The following TPO variants were observed in gnomAD, a reference collection of about 807,000 sequenced individuals.
The protein encoded by TPO is thyroid peroxidase.
TPO carries 78 observed loss-of-function variants against 96.9 expected under a neutral mutation model. The ratio of observed to expected loss-of-function variants is 0.81; its 90% confidence interval spans 0.67 to 0.97. The LOEUF (loss-of-function observed/expected upper bound fraction) is 0.97, where lower values mean the gene tolerates loss of function less well. Among genes scored for constraint, TPO ranks in the 50% least tolerant of loss-of-function variants. The probability of loss-of-function intolerance (pLI) is 0.00; values close to 1 mark genes in which losing one functional copy is unlikely to be tolerated. For missense variants in TPO, 1,252 were observed against 1,274.8 expected (o/e 0.98, Z 0.27); for synonymous variants, 547 against 538.0 (o/e 1.02, Z -0.23).
chr2:1,379,328 G>T (rs1166056139), intron 1 of TPO, among the ~76,000 whole-genome samples: 1 of 152,152 alleles, frequency 6.6e-6, no homozygotes, highest in African/African-American at 2.4e-5. Context: ...AAGGCAAGGA[G>T]ATTGAACATA....
At chr2:1,396,656 G>A (rs562144100) in intron 1 of TPO, among the ~76,000 whole-genome samples, 6 of 152,110 alleles carry the variant, frequency 3.9e-5, no homozygotes, top group East Asian at 1.9e-4. Context: ...ATCGCGTCAC[G>A]GGGAGACAGT....
chr2:1,518,584 G>A (rs28913026), intron 15 of TPO, among the ~76,000 whole-genome samples: 149 of 152,174 alleles, frequency 9.8e-4, no homozygotes, highest in African/African-American at 3.2e-3. Context: ...GCCTGCATTT[G>A]ATGCATGAGC....
chr2:1,540,637 G>C lies in TPO; in HGVS notation c.2662G>C (p.Gly888Arg). 2 of 1,613,610 alleles carry C rather than the reference G, an allele frequency of 1.2e-6. No homozygotes were observed. Among genetic ancestry groups the C allele is most frequent in the Non-Finnish European group, 1.7e-6 (2 of 1,180,032 alleles). The part of the protein sequence containing the change: ...TKSTLPISET[G>R]GGTPELRCGK... Reference sequence around the variant, plus strand: ...ATCCACACTGCCCATCTCGGAGACAGGCGGAGGAACTCCCGAGCTGAGATG... The same window carrying C: ...ATCCACACTGCCCATCTCGGAGACACGCGGAGGAACTCCCGAGCTGAGATG... Residue 888 changes from glycine (G) to arginine (R), a missense_variant, in exon 16 of 17, where the codon GGC (glycine) becomes CGC (arginine). Physicochemically the swap from Gly to Arg is moderately radical, Grantham distance 125 (BLOSUM62 -2). Coordinates refer to ENST00000329066, the MANE Select transcript of TPO (RefSeq NM_001206744.2).
chr2:1,495,023 C>T (rs1174886674), intron 11 of TPO, among the ~76,000 whole-genome samples: 16 of 152,196 alleles, frequency 1.1e-4, no homozygotes. Flanking sequence ...GGAAGCCACT[C>T]GCTCAGAAGG....
chr2:1,423,505 C>T (rs937663966), intron 3 of TPO, among the ~76,000 whole-genome samples: 1 of 152,126 alleles, frequency 6.6e-6, no homozygotes, highest in Admixed American at 6.5e-5. Context: ...GTAACATTAC[C>T]TGTGGCATAG....
At chr2:1,472,458 G>C (rs895766616) in intron 7 of TPO, among the ~76,000 whole-genome samples, 2 of 152,146 alleles carry the variant, frequency 1.3e-5, no homozygotes, top group African/African-American at 4.8e-5. Flanking sequence ...ATATTCTCTT[G>C]AATGTTGTTA....
intron 15 of TPO, among the ~76,000 whole-genome samples, chr2:1,521,031 A>G (rs28361468): frequency 0.51 from 77,395 of 152,002 alleles, 19,812 homozygotes; most frequent in South Asian, 0.56. Context: ...TTAGTTCTGC[A>G]ATTTCTGAAA....
intron 7 of TPO, among the ~76,000 whole-genome samples, chr2:1,475,831 G>T (rs1669873355): frequency 6.6e-6 from 1 of 152,232 alleles, no homozygotes; most frequent in Non-Finnish European, 1.5e-5. Context: ...CCTCGTTGCT[G>T]CCCCGACCCC....
exon 1 of TPO, chr2:1,374,387 A>G (rs1558239513): frequency 6.6e-6 from 1 of 151,982 alleles, no homozygotes; most frequent in Admixed American, 6.6e-5. Context: ...GCGGCCCACT[A>G]CCCACCGTCC....
intron 1 of TPO, among the ~76,000 whole-genome samples, chr2:1,392,573 G>A (rs142982002): frequency 0.011 from 1,659 of 152,294 alleles, 39 homozygotes; most frequent in African/African-American, 0.038. Flanking sequence ...AGTGTCAGAA[G>A]GAATGGTACC....
At chr2:1,399,761 C>T (rs910603156) in intron 1 of TPO, among the ~76,000 whole-genome samples, 12 of 152,206 alleles carry the variant, frequency 7.9e-5, no homozygotes, top group Non-Finnish European at 1.6e-4. Flanking sequence ...ATCTGCCTTC[C>T]TTGCATGAAT....
At chr2:1,534,470 C>G (rs1679077606) in intron 15 of TPO, among the ~76,000 whole-genome samples, 1 of 115,356 alleles carries the variant, frequency 8.7e-6, no homozygotes, top group African/African-American at 3.1e-5. Flanking sequence ...ATCCCTCCCA[C>G]TCTGTGCAAA....
chr2:1,438,195 T>C (rs1240007505), intron 5 of TPO, among the ~76,000 whole-genome samples: 1 of 151,432 alleles, frequency 6.6e-6, no homozygotes, highest in African/African-American at 2.4e-5. Context: ...CGGGGGACAG[T>C]GGCGTTGGAG....
At chr2:1,515,235 G>A (rs1407182295) in intron 14 of TPO, among the ~76,000 whole-genome samples, 1 of 152,216 alleles carries the variant, frequency 6.6e-6, no homozygotes, top group African/African-American at 2.4e-5. Flanking sequence ...ATGGGGGTGA[G>A]AGCGAGTAGC....
At chr2:1,479,744 T>TGTCCTCCTCCTC (rs570476475) in intron 8 of TPO, among the ~76,000 whole-genome samples, 3 of 151,944 alleles carry the variant, frequency 2.0e-5, no homozygotes, top group South Asian at 2.1e-4. Context: ...TGCTCCTCCT[T>TGTCCTCCTCCTC]GTCCTCCTCC....
chr2:1,458,571 G>A (rs1027492013), intron 7 of TPO, among the ~76,000 whole-genome samples: 1 of 151,860 alleles, frequency 6.6e-6, no homozygotes, highest in Non-Finnish European at 1.5e-5. Context: ...ATATAAGATA[G>A]TGTGTGGACA....
intron 1 of TPO, among the ~76,000 whole-genome samples, chr2:1,378,976 G>C (rs1330709166): frequency 2.0e-5 from 3 of 152,146 alleles, no homozygotes; most frequent in Non-Finnish European, 4.4e-5. Context: ...ACTTGGCATT[G>C]ACTTTGGAAA....
chr2:1,460,639 AATT>A (rs1668341838), intron 7 of TPO, among the ~76,000 whole-genome samples: 1 of 152,234 alleles, frequency 6.6e-6, no homozygotes, highest in South Asian at 2.1e-4. Context: ...AATGAGATCG[AATT>A]TGCAAAACCA....
At chr2:1,540,831 G>T (rs774131277) in intron 16 of TPO, 108 bp downstream of exon 16, 2 of 1,588,710 alleles carry the variant, frequency 1.3e-6, no homozygotes, top group South Asian at 1.1e-5. Flanking sequence ...TGTTTACTCC[G>T]TGTTTCCTAG....
Sources: allele counts gnomAD v4.1 joint callset (sites outside exome capture counted in the v4.1 genomes callset), GRCh38; gene constraint gnomAD v4.1.1; transcripts MANE v1.5; gene names NCBI Gene and HGNC (gene_info 2026-07-23, HGNC 2026-07-21).